The following GALR1 variants were observed in gnomAD, a reference collection of about 807,000 sequenced individuals.
The protein encoded by GALR1 is galanin receptor type 1.
GALR1 carries 11 observed loss-of-function variants against 17.9 expected under a neutral mutation model. The ratio of observed to expected loss-of-function variants is 0.62; its 90% CI spans 0.39 to 1.02. GALR1 has a LOEUF of 1.02. GALR1 is among the 50% of genes least tolerant of loss of function. The probability of loss-of-function intolerance (pLI) is 0.01; values close to 1 mark genes in which losing one functional copy is unlikely to be tolerated. For synonymous variants in GALR1, 206 were observed against 205.7 expected (o/e 1.00, Z -0.01); for missense variants, 441 against 456.9 (o/e 0.97, Z 0.32).
At position 77,272,992 on chromosome 18, in the gene GALR1, T is replaced by G. The variant is rs1311227662; in HGVS notation, c.*4090T>G. On this transcript the variant is annotated 3_prime_UTR_variant, in exon 3 of 3. Coordinates refer to ENST00000299727, the MANE Select transcript of GALR1 (RefSeq NM_001480.4). ...AGGTGTCTAAGGAGAGTGTATCGTGTATTGTGATGCATTAGCAGGATGTTT... is the reference window on the plus strand; with the variant it reads ...AGGTGTCTAAGGAGAGTGTATCGTGGATTGTGATGCATTAGCAGGATGTTT... 6.6e-6 allele frequency: 1 copy of G among 152,228 alleles called. No homozygotes were observed. The highest frequency in any genetic ancestry group is 2.4e-5 in the African/African-American group (1 of 41,448). The allele number at this position is 152,228 out of a possible 1,614,324, so 9.4% of individuals were successfully genotyped here.
chr18:77,273,677 A>T lies in GALR1; in HGVS notation c.*4775A>T, dbSNP rs1913104044. 6.6e-6 allele frequency: 1 copy of T among 151,846 alleles called. No individual in the cohort carries two copies. Among genetic ancestry groups the T allele is most frequent in the South Asian group, 2.1e-4 (1 of 4,816 alleles). 9.4% of individuals were successfully genotyped at this position (151,846 alleles called of 1,614,324 possible). ...AAAAAAAAAAAGAAGGTGGCCAGTG[A>T]GGGTTTTATCTTTGTATTCACTGGA... On this transcript the variant is annotated 3_prime_UTR_variant, in exon 3 of 3. Coordinates refer to ENST00000299727, the MANE Select transcript of GALR1 (RefSeq NM_001480.4).
chr18:77,268,483 T>A, intron 2 of GALR1, 102 bp from the exon 3 acceptor site: 1 of 779,942 alleles, frequency 1.3e-6, no homozygotes, highest in Non-Finnish European at 2.1e-6. Flanking sequence ...TATTTTAAAA[T>A]GCTGGATTCC....
In GALR1 at chr18:77,250,677, C is replaced by G; in HGVS notation, c.129C>G (p.Ile43Met). ...NFVTLVVFGL[I>M]FALGVLGNSL... ...TCACGCTGGTGGTGTTCGGCCTGAT[C>G]TTCGCGCTGGGTGTGCTGGGCAACA... is the stretch of plus-strand genomic sequence containing the variant. The change falls in exon 1 of 3, where the codon ATC (isoleucine) becomes ATG (methionine). Residue 43 changes from isoleucine to methionine, a missense_variant. By Grantham distance (10) the Ile-to-Met change is conservative. Coordinates refer to ENST00000299727, the MANE Select transcript of GALR1 (RefSeq NM_001480.4). 6.2e-7 allele frequency: 1 copy of G among 1,612,782 alleles called. No individual in the cohort carries two copies. Among genetic ancestry groups the G allele is most frequent in the Non-Finnish European group, 8.5e-7 (1 of 1,179,806 alleles).
In GALR1 at chr18:77,269,525, A is replaced by G. The variant is rs1397440168; in HGVS notation, c.*623A>G. ...TTATGAGATACAGTCGGTTTACCTC[A>G]GGAGTCAATTCAGTGTTGTACTGGT... On this transcript the variant is annotated 3_prime_UTR_variant, in exon 3 of 3. Transcript: ENST00000299727. The G allele has an allele frequency of 1.3e-5, 2 of 152,492 alleles. No individual in the cohort carries two copies. The highest frequency in any genetic ancestry group is 2.9e-5 in the Non-Finnish European group (2 of 68,270). The allele number at this position is 152,492 out of a possible 1,614,324, so 9.4% of individuals were successfully genotyped here.
In GALR1 at chr18:77,276,874, A is replaced by G. The variant is rs886272314; in HGVS notation, c.*7972A>G. 6.6e-6 allele frequency: 1 copy of G among 152,226 alleles called. No homozygotes were observed. The highest frequency in any genetic ancestry group is 1.5e-5 in the Non-Finnish European group (1 of 68,036). The allele number at this position is 152,226 out of a possible 1,614,324, so 9.4% of individuals were successfully genotyped here. A position where few individuals can be genotyped will look rare whatever the true frequency, so the allele number is the denominator to read the frequency against. ...TTGTAAGTTTTCAAAAGCATGAAGG[A>G]GTTTAATAACTTGTAAGACTTTCAG... On this transcript the variant is annotated 3_prime_UTR_variant, in exon 3 of 3. Transcript: ENST00000299727.
At position 77,250,064 on chromosome 18, in the gene GALR1, G is replaced by A. The variant is rs1182634111; in HGVS notation, c.-485G>A. Among the ~76,000 whole-genome samples the A allele has an allele frequency of 6.6e-6, 1 of 152,224 alleles. No homozygotes were observed. Among genetic ancestry groups the A allele is most frequent in the African/African-American group, 2.4e-5 (1 of 41,466 alleles). The stretch of plus-strand genomic sequence containing the variant: ...GGAGCCGCACAGTGCACTGCTGCGC[G>A]CTGGGCAGTGCGGGGAAGCGCCGCG... On this transcript the variant is annotated 5_prime_UTR_variant, in exon 1 of 3. Coordinates refer to ENST00000299727, the MANE Select transcript of GALR1 (RefSeq NM_001480.4).
rs972371729 is a variant in GALR1 at position 77,249,993 on chromosome 18, G to A, written c.-556G>A. 3.3e-5 allele frequency among the ~76,000 whole-genome samples: 5 copies of A among 152,170 alleles called. No individual in the cohort carries two copies. Among genetic ancestry groups the A allele is most frequent in the African/African-American group, 1.2e-4 (5 of 41,454 alleles). On this transcript the variant is annotated 5_prime_UTR_variant, in exon 1 of 3. Coordinates refer to ENST00000299727, the MANE Select transcript of GALR1 (RefSeq NM_001480.4). ...GGAGTCGGAGGCGCCAGCCCACTGG[G>A]GAGGTGGCGCTGGGCGCGCGGGATG...
rs1219287980 is a variant in GALR1, at chr18:77,271,381, A to C, written c.*2479A>C. The stretch of plus-strand genomic sequence containing the variant: ...GAGTTTTGGCTGAGTCTACTTCTAA[A>C]ACAAATTTTGATAGGGATAATGACA... On this transcript the variant is annotated 3_prime_UTR_variant, in exon 3 of 3. Transcript: ENST00000299727. The C allele has an allele frequency of 6.6e-6, 1 of 152,064 alleles. No homozygotes were observed. The highest frequency in any genetic ancestry group is 2.4e-5 in the African/African-American group (1 of 41,420). 9.4% of individuals were successfully genotyped at this position (152,064 alleles called of 1,614,324 possible).
chr18:77,271,418 G>T lies in GALR1; in HGVS notation c.*2516G>T, dbSNP rs1441911228. Reference sequence around the variant, plus strand: ...TAGGGATAATGACATCTTCTGCAAAGATCTAAACCTCTACAAAATTTTCTG... The same window carrying T: ...TAGGGATAATGACATCTTCTGCAAATATCTAAACCTCTACAAAATTTTCTG... On this transcript the variant is annotated 3_prime_UTR_variant, in exon 3 of 3. Coordinates refer to ENST00000299727, the MANE Select transcript of GALR1 (RefSeq NM_001480.4). 11 of 152,130 alleles carry T rather than the reference G, an allele frequency of 7.2e-5. No homozygotes were observed. Among genetic ancestry groups the T allele is most frequent in the Non-Finnish European group, 1.0e-4 (7 of 68,036 alleles). The allele number at this position is 152,130 out of a possible 1,614,324, so 9.4% of individuals were successfully genotyped here. A position where few individuals can be genotyped will look rare whatever the true frequency, so the allele number is the denominator to read the frequency against.
At chr18:77,259,026 G>A (rs1454946106) in intron 2 of GALR1, among the ~76,000 whole-genome samples, 4 of 33,628 alleles carry the variant, frequency 1.2e-4, no homozygotes, top group African/African-American at 2.6e-4. Flanking sequence ...TGTTGGTGTT[G>A]GTGGTGGTCA....
At position 77,272,495 on chromosome 18, in the gene GALR1, A is replaced by G; in HGVS notation, c.*3593A>G. 6.6e-6 allele frequency: 1 copy of G among 152,254 alleles called. No individual in the cohort carries two copies. The allele number at this position is 152,254 out of a possible 1,614,324, so 9.4% of individuals were successfully genotyped here. A position where few individuals can be genotyped will look rare whatever the true frequency, so the allele number is the denominator to read the frequency against. On this transcript the variant is annotated 3_prime_UTR_variant, in exon 3 of 3. Coordinates refer to ENST00000299727, the MANE Select transcript of GALR1 (RefSeq NM_001480.4). ...CTTCATCATGTTCTTGCTTTAAATG[A>G]TTTATCAAATACATGTATGTAAACT... is the stretch of plus-strand genomic sequence containing the variant.
intron 2 of GALR1, among the ~76,000 whole-genome samples, chr18:77,257,760 A>T (rs1272257738): frequency 6.6e-6 from 1 of 152,196 alleles, no homozygotes; most frequent in East Asian, 1.9e-4. Context: ...GGAAGCCAAC[A>T]TTGTAATGGA....
At chr18:77,252,881 TCACCACCACCACCATCAC>T (rs1568138974) in intron 1 of GALR1, among the ~76,000 whole-genome samples, 957 of 54,786 alleles carry the variant, frequency 0.017, 14 homozygotes, top group Non-Finnish European at 0.026. Flanking sequence ...ACCACCACCA[TCACCACCACCACCATCAC>T]CACCACCACC....
At chr18:77,260,549 T>A (rs112831963) in intron 2 of GALR1, among the ~76,000 whole-genome samples, 1,893 of 152,324 alleles carry the variant, frequency 0.012, 31 homozygotes, top group African/African-American at 0.041. Context: ...ATTTATGAAT[T>A]TTTTGGACGG....
At position 77,274,066 on chromosome 18, in the gene GALR1, T is replaced by C. The variant is rs1017990924; in HGVS notation, c.*5164T>C. On this transcript the variant is annotated 3_prime_UTR_variant, in exon 3 of 3. Coordinates refer to ENST00000299727, the MANE Select transcript of GALR1 (RefSeq NM_001480.4). ...TATGGGACACCATATACCACAGTAC[T>C]GTATTTCAAAATATTGGATATTGAT... The C allele has an allele frequency of 6.6e-6, 1 of 152,168 alleles. No individual in the cohort carries two copies. Among genetic ancestry groups the C allele is most frequent in the African/African-American group, 2.4e-5 (1 of 41,430 alleles). 9.4% of individuals were successfully genotyped at this position (152,168 alleles called of 1,614,324 possible).
chr18:77,251,759 G>GA lies in GALR1; in HGVS notation c.666+546dup, dbSNP rs548762633. ...GCTCTCAGCTGGCCGTGGCGGGGGG[G>GA]ACTCGCGGGGCGGCCCCTCTCCCCC... On this transcript the variant is annotated intron_variant, in intron 1 of 2. Coordinates refer to ENST00000299727, the MANE Select transcript of GALR1 (RefSeq NM_001480.4). 1.2e-4 allele frequency among the ~76,000 whole-genome samples: 19 copies of GA among 152,284 alleles called. No homozygotes were observed. The South Asian group carries it at 3.9e-3, about 32-fold the overall frequency.
intron 2 of GALR1, among the ~76,000 whole-genome samples, chr18:77,256,989 G>A (rs1260359239): frequency 6.6e-6 from 1 of 152,204 alleles, no homozygotes; most frequent in African/African-American, 2.4e-5. Context: ...TATGACTAAG[G>A]AGTAGGAGGT....
Position 77,271,842 on chromosome 18 carries a change from A to G in GALR1, c.*2940A>G, listed in dbSNP as rs1273022816. On this transcript the variant is annotated 3_prime_UTR_variant, in exon 3 of 3. Coordinates refer to ENST00000299727, the MANE Select transcript of GALR1 (RefSeq NM_001480.4). The stretch of plus-strand genomic sequence containing the variant: ...GTAGCTGAAATGCTTGCTGTTTCAC[A>G]TGCATAAGCAACCATTTCAGTGTCC... 6.6e-6 allele frequency: 1 copy of G among 152,202 alleles called. No homozygotes were observed. Among genetic ancestry groups the G allele is most frequent in the Non-Finnish European group, 1.5e-5 (1 of 68,048 alleles). The allele number at this position is 152,202 out of a possible 1,614,324, so 9.4% of individuals were successfully genotyped here.
chr18:77,277,079 A>G lies in GALR1; in HGVS notation c.*8177A>G, dbSNP rs928198939. 10 of 152,364 alleles carry G rather than the reference A, an allele frequency of 6.6e-5. No homozygotes were observed. The highest frequency in any genetic ancestry group is 2.2e-4 in the African/African-American group (9 of 41,588). 9.4% of individuals were successfully genotyped at this position (152,364 alleles called of 1,614,324 possible). A position where few individuals can be genotyped will look rare whatever the true frequency, so the allele number is the denominator to read the frequency against. Reference sequence around the variant, plus strand: ...TGTTTAAATATTTGCATGTCTTTCTATGTGACTGCTAATTTTTAACTACAT... The same window carrying G: ...TGTTTAAATATTTGCATGTCTTTCTGTGTGACTGCTAATTTTTAACTACAT... On this transcript the variant is annotated 3_prime_UTR_variant, in exon 3 of 3. Coordinates refer to ENST00000299727, the MANE Select transcript of GALR1 (RefSeq NM_001480.4).
Sources: gnomAD v4.1 joint callset for allele counts (sites outside exome capture counted in the v4.1 genomes callset) on GRCh38, gnomAD v4.1.1 for gene constraint, MANE v1.5 for transcripts, NCBI Gene and HGNC (gene_info 2026-07-23, HGNC 2026-07-21) for gene names.